RNASEH2C: variants seen among roughly 807,000 people sequenced by gnomAD.
RNASEH2C encodes RNase H1 small subunit.
A neutral mutation model predicts 16.3 loss-of-function variants in RNASEH2C; 20 were observed. The observed-to-expected ratio is 1.23, with a 90% CI of 0.86 to 1.79. The LOEUF (loss-of-function observed/expected upper bound fraction) is 1.79. Among genes scored for constraint, RNASEH2C ranks in the 40% most tolerant of loss-of-function variants. The pLI, the probability that RNASEH2C is intolerant of heterozygous loss-of-function variation, is 0.00. For missense variants in RNASEH2C, 296 were observed against 235.9 expected, an observed-to-expected ratio of 1.25 and a Z score of -1.67; for synonymous variants, 106 against 98.9, an observed-to-expected ratio of 1.07 and a Z score of -0.43.
In RNASEH2C at chr11:65,718,863, T is replaced by G. The variant is rs1857298744; in HGVS notation, c.*920A>C. The G allele has an allele frequency of 6.2e-7, 1 of 1,614,036 alleles. No homozygotes were observed. Among genetic ancestry groups the G allele is most frequent in the Non-Finnish European group, 8.5e-7 (1 of 1,179,974 alleles). On this transcript the variant is annotated 3_prime_UTR_variant, in exon 4 of 4. Transcript: ENST00000308418. ...GGTCCTCAGGGAACCTGACCTGTGC[T>G]CTCCCACAGTGAGATTAGTGAAATC...
At position 65,719,669 on chromosome 11, in the gene RNASEH2C, G is replaced by A. The variant is rs1312962207; in HGVS notation, c.*114C>T. ...CATGCTGGCTTAGGGGCTCTAAGGC[G>A]CCCAGACTCACAGGTGCTGTGAAGA... On this transcript the variant is annotated 3_prime_UTR_variant, in exon 4 of 4. Coordinates refer to ENST00000308418, the MANE Select transcript of RNASEH2C (RefSeq NM_032193.4). 1.4e-5 allele frequency: 16 copies of A among 1,147,958 alleles called. No homozygotes were observed. Among genetic ancestry groups the A allele is most frequent in the Admixed American group, 6.8e-5 (4 of 58,542 alleles). The allele number at this position is 1,147,958 out of a possible 1,614,324, so 71.1% of individuals were successfully genotyped here.
chr11:65,720,710 G>GC lies in RNASEH2C; in HGVS notation c.48dup (p.Arg17AlafsTer89), dbSNP rs772074076. The GC allele has an allele frequency of 6.3e-7, 1 of 1,596,800 alleles. No homozygotes were observed. Among genetic ancestry groups the GC allele is most frequent in the Admixed American group, 1.7e-5 (1 of 59,086 alleles). ...ACGGCGTCGCGCAATGTGGCGGAGCGCAAGTGGACGCGGTGCCTCTCGATG... is the reference window on the plus strand; with the variant it reads ...ACGGCGTCGCGCAATGTGGCGGAGCGCCAAGTGGACGCGGTGCCTCTCGATG... On this transcript the variant is annotated frameshift_variant, in exon 1 of 4. Coordinates refer to ENST00000308418, the MANE Select transcript of RNASEH2C (RefSeq NM_032193.4). LOFTEE classifies it high-confidence loss of function.
chr11:65,720,536 G>A, intron 1 of RNASEH2C, 51 bp downstream of exon 1: 1 of 1,528,688 alleles, frequency 6.5e-7, no homozygotes. Context: ...TGAGAAGCGC[G>A]CAGGCCGGCG....
In RNASEH2C at chr11:65,719,692, A is replaced by C. The variant is rs972691171; in HGVS notation, c.*91T>G. 7.2e-6 allele frequency: 10 copies of C among 1,392,128 alleles called. No individual in the cohort carries two copies. The highest frequency in any genetic ancestry group is 1.0e-5 in the Non-Finnish European group (10 of 979,348). 86.2% of individuals were successfully genotyped at this position (1,392,128 alleles called of 1,614,324 possible). ...GCGCCCAGACTCACAGGTGCTGTGA[A>C]GAGCTCCTTTATTGGGGTGATGGAA... is the stretch of plus-strand genomic sequence containing the variant. On this transcript the variant is annotated 3_prime_UTR_variant, in exon 4 of 4. Coordinates refer to ENST00000308418, the MANE Select transcript of RNASEH2C (RefSeq NM_032193.4).
Position 65,719,631 on chromosome 11 carries a change from G to A in RNASEH2C, c.*152C>T. The A allele has an allele frequency of 3.8e-6, 3 of 791,374 alleles. No homozygotes were observed. Among genetic ancestry groups the A allele is most frequent in the Non-Finnish European group, 6.6e-6 (3 of 452,114 alleles). The allele number at this position is 791,374 out of a possible 1,614,324, so 49.0% of individuals were successfully genotyped here. A position where few individuals can be genotyped will look rare whatever the true frequency, so the allele number is the denominator to read the frequency against. ...AGCCATGCAAAGTTCTTGGTGGGGAGGGGGAAAGGGCCCATGCTGGCTTAG... is the reference window on the plus strand; with the variant it reads ...AGCCATGCAAAGTTCTTGGTGGGGAAGGGGAAAGGGCCCATGCTGGCTTAG... On this transcript the variant is annotated 3_prime_UTR_variant, in exon 4 of 4. Transcript: ENST00000308418.
At chr11:65,720,470 C>T in intron 1 of RNASEH2C, 53 bp from the exon 2 acceptor site, 1 of 1,602,154 alleles carries the variant, frequency 6.2e-7, no homozygotes, top group Non-Finnish European at 8.5e-7. Context: ...GGGTCGAGCC[C>T]GGAGCTGCCC....
chr11:65,719,971 C>A (rs747785826), intron 3 of RNASEH2C, 74 bp downstream of exon 3: 2 of 1,609,230 alleles, frequency 1.2e-6, no homozygotes, highest in East Asian at 4.5e-5. Flanking sequence ...GTAGAATCCT[C>A]CAGGCTCCGT....
chr11:65,720,164 C>T lies in RNASEH2C; in HGVS notation c.349G>A (p.Asp117Asn). 1 of 1,614,256 alleles carries T rather than the reference C, an allele frequency of 6.2e-7. No homozygotes were observed. Among genetic ancestry groups the T allele is most frequent in the Non-Finnish European group, 8.5e-7 (1 of 1,180,034 alleles). The change falls in exon 3 of 4, where the codon GAC becomes AAC. Residue 117 changes from aspartate to asparagine, a missense_variant and splice_region_variant. Physicochemically the swap from Asp to Asn is conservative, Grantham distance 23. Transcript: ENST00000308418. Reference sequence around the variant, plus strand: ...TTGGCAGTGGCTCCAATGAAGCGGTCCTGGGGAAGGGGCCTGGCTCAGCAT... The same window carrying T: ...TTGGCAGTGGCTCCAATGAAGCGGTTCTGGGGAAGGGGCCTGGCTCAGCAT... ...QEEEPLERDF[D>N]RFIGATANFS...
At chr11:65,719,987 C>T (rs2135651885) in intron 3 of RNASEH2C, 58 bp downstream of exon 3, 2 of 1,610,060 alleles carry the variant, frequency 1.2e-6, no homozygotes, top group Non-Finnish European at 8.5e-7. Context: ...TCCGTCTGCG[C>T]AATTGTGCTC....
Position 65,718,918 on chromosome 11 carries a change from C to T in RNASEH2C, c.*865G>A, listed in dbSNP as rs779408582. The T allele has an allele frequency of 2.5e-6, 4 of 1,614,170 alleles. No homozygotes were observed. The Admixed American group carries it at 6.7e-5, about 27-fold the overall frequency. ...GCATCAAGAAGGAGGATGTCATCTCCACTCTGCAGTACCTCAATCTCATCA... is the reference window on the plus strand; with the variant it reads ...GCATCAAGAAGGAGGATGTCATCTCTACTCTGCAGTACCTCAATCTCATCA... On this transcript the variant is annotated 3_prime_UTR_variant, in exon 4 of 4. Coordinates refer to ENST00000308418, the MANE Select transcript of RNASEH2C (RefSeq NM_032193.4).
In RNASEH2C at chr11:65,720,308, C is replaced by G; in HGVS notation, c.282G>C (p.Gly94=). The G allele has an allele frequency of 6.2e-7, 1 of 1,614,174 alleles. No individual in the cohort carries two copies. The highest frequency in any genetic ancestry group is 8.5e-7 in the Non-Finnish European group (1 of 1,180,038). The change falls in exon 2 of 4, where the codon GGG becomes GGC. Residue 94 remains glycine, a synonymous_variant. Transcript: ENST00000308418. ...MVTEEKKVSM[G]KPDPLRDSGT... Reference sequence around the variant, plus strand: ...CGGAATCCCGCAAGGGGTCTGGCTTCCCCATCGACACCTTCTTCTCTTCTG... The same window carrying G: ...CGGAATCCCGCAAGGGGTCTGGCTTGCCCATCGACACCTTCTTCTCTTCTG...
intron 1 of RNASEH2C, 72 bp downstream of exon 1, chr11:65,720,515 A>G: frequency 5.1e-6 from 8 of 1,559,894 alleles, no homozygotes; most frequent in Non-Finnish European, 6.9e-6. Context: ...GATCCCCAGG[A>G]GCCCAGGCGA....
Position 65,719,562 on chromosome 11 carries a change from CTT to C in RNASEH2C, c.*219_*220del. The C allele has an allele frequency of 1.6e-6, 1 of 637,736 alleles. No individual in the cohort carries two copies. Among genetic ancestry groups the C allele is most frequent in the Non-Finnish European group, 2.8e-6 (1 of 363,056 alleles). The allele number at this position is 637,736 out of a possible 1,614,324, so 39.5% of individuals were successfully genotyped here. ...CTGGCTGCAAAAATTTCTGGCTTCT[CTT>C]ACCCCTATTGCCCCCGGCAATAAAT... On this transcript the variant is annotated 3_prime_UTR_variant, in exon 4 of 4. Coordinates refer to ENST00000308418, the MANE Select transcript of RNASEH2C (RefSeq NM_032193.4).
Position 65,719,564 on chromosome 11 carries a change from T to G in RNASEH2C, c.*219A>C, listed in dbSNP as rs1857327579. 1 of 637,374 alleles carries G rather than the reference T, an allele frequency of 1.6e-6. No individual in the cohort carries two copies. Among genetic ancestry groups the G allele is most frequent in the African/African-American group, 1.8e-5 (1 of 54,530 alleles). 39.5% of individuals were successfully genotyped at this position (637,374 alleles called of 1,614,324 possible). A position where few individuals can be genotyped will look rare whatever the true frequency, so the allele number is the denominator to read the frequency against. ...GGCTGCAAAAATTTCTGGCTTCTCT[T>G]ACCCCTATTGCCCCCGGCAATAAAT... On this transcript the variant is annotated 3_prime_UTR_variant, in exon 4 of 4. Coordinates refer to ENST00000308418, the MANE Select transcript of RNASEH2C (RefSeq NM_032193.4).
rs763076786 is a variant in RNASEH2C at position 65,720,034 on chromosome 11, C to T, written c.468+11G>A. 6.8e-6 allele frequency: 11 copies of T among 1,612,904 alleles called. No individual in the cohort carries two copies. Among genetic ancestry groups the T allele is most frequent in the South Asian group, 2.2e-5 (2 of 91,086 alleles). On this transcript the variant is annotated intron_variant, in intron 3 of 3. Coordinates refer to ENST00000308418, the MANE Select transcript of RNASEH2C (RefSeq NM_032193.4). ...CACCCGGGGGCAAGACGGAACTCCT[C>T]GTCTACTCACCGCTGCCGCAAGGCT... is the stretch of plus-strand genomic sequence containing the variant.
rs1857353944 is a variant in RNASEH2C at position 65,720,405 on chromosome 11, G to T, written c.185C>A (p.Ser62Ter). The change falls in exon 2 of 4, where the codon TCG becomes TAG. Residue 62 changes from serine to a stop codon, truncating the protein, a stop_gained. Transcript: ENST00000308418. LOFTEE classifies it high-confidence loss of function. ...TCCCCGTAGACAGCGGCCCCGAAAC[G>T]ACACTTCGAGTCCTGGAGCGGGAGG... is the stretch of plus-strand genomic sequence containing the variant. ...IRQGPEGLEV[S>*]FRGRCLRGEE... 1 of 1,613,896 alleles carries T rather than the reference G, an allele frequency of 6.2e-7. No homozygotes were observed. The highest frequency in any genetic ancestry group is 8.5e-7 in the Non-Finnish European group (1 of 1,180,052).
Position 65,719,288 on chromosome 11 carries a change from A to T in RNASEH2C, c.*495T>A. On this transcript the variant is annotated 3_prime_UTR_variant, in exon 4 of 4. Transcript: ENST00000308418. ...AAGCACTCTAAGGGAGATGGGGCTG[A>T]GGACAGCTCAAAAAGGAGAGGACAG... The T allele has an allele frequency of 7.5e-7, 1 of 1,341,222 alleles. No individual in the cohort carries two copies. Among genetic ancestry groups the T allele is most frequent in the Non-Finnish European group, 1.0e-6 (1 of 982,502 alleles). The allele number at this position is 1,341,222 out of a possible 1,614,324, so 83.1% of individuals were successfully genotyped here.
rs749085392 is a variant in RNASEH2C at position 65,720,313 on chromosome 11, T to A, written c.277A>T (p.Met93Leu). 1.9e-6 allele frequency: 3 copies of A among 1,613,978 alleles called. No individual in the cohort carries two copies. The highest frequency in any genetic ancestry group is 1.3e-5 in the African/African-American group (1 of 74,940). ...VMVTEEKKVSMGKPDPLRDSG... is the reference protein window; with the variant it reads ...VMVTEEKKVSLGKPDPLRDSG... The stretch of plus-strand genomic sequence containing the variant: ...TCCCGCAAGGGGTCTGGCTTCCCCA[T>A]CGACACCTTCTTCTCTTCTGTCACC... The change falls in exon 2 of 4, where the codon ATG becomes TTG. Residue 93 changes from methionine to leucine, a missense_variant. Transcript: ENST00000308418.
At position 65,719,802 on chromosome 11, in the gene RNASEH2C, G is replaced by A. The variant is rs560684217; in HGVS notation, c.476C>T (p.Ala159Val). 1.2e-6 allele frequency: 2 copies of A among 1,614,136 alleles called. No homozygotes were observed. The highest frequency in any genetic ancestry group is 3.3e-5 in the Admixed American group (2 of 60,028). The change falls in exon 4 of 4, where the codon GCA becomes GTA. Residue 159 changes from alanine (A) to valine (V), a missense_variant. Coordinates refer to ENST00000308418, the MANE Select transcript of RNASEH2C (RefSeq NM_032193.4). ...TGGTTCTCAGTCCTCGGGCACCTGT[G>A]CGTGAATCTGCAACAGGAGTCGCCT... ...TWPSLAAAIH[A>V]QVPED is the part of the protein sequence containing the mutation.
Sources: allele counts gnomAD v4.1 joint callset, GRCh38; gene constraint gnomAD v4.1.1; transcripts MANE v1.5; gene names NCBI Gene and HGNC (gene_info 2026-07-23, HGNC 2026-07-21).